MPHOSPH9: variants seen among roughly 807,000 people sequenced by gnomAD.
MPHOSPH9 encodes the protein M-phase phosphoprotein 9.
In MPHOSPH9, 88 loss-of-function variants were observed where a neutral mutation model predicts 145.5. The observed-to-expected ratio is 0.60, with a 90% CI of 0.51 to 0.72. The LOEUF (loss-of-function observed/expected upper bound fraction) is 0.72, where lower values mean the gene tolerates loss of function less well. MPHOSPH9 is among the 30% of genes least tolerant of loss of function. MPHOSPH9 has a pLI of 0.00. For missense variants in MPHOSPH9, 1,238 were observed against 1,386.6 expected (o/e 0.89, Z 1.70); for synonymous variants, 435 against 486.2 (o/e 0.89, Z 1.39).
chr12:123,236,563 C>A (rs1249030416), upstream of MPHOSPH9, among the ~76,000 whole-genome samples: 1 of 150,696 alleles, frequency 6.6e-6, no homozygotes, highest in Non-Finnish European at 1.5e-5. Flanking sequence ...CACTGCACTC[C>A]ACTTGGGTGA....
Position 123,227,576 on chromosome 12 carries a change from A to G in MPHOSPH9, c.145T>C (p.Ser49Pro). 6.5e-7 allele frequency: 1 copy of G among 1,532,582 alleles called. No homozygotes were observed. The highest frequency in any genetic ancestry group is 8.7e-7 in the Non-Finnish European group (1 of 1,144,918). 94.9% of individuals were successfully genotyped at this position (1,532,582 alleles called of 1,614,324 possible). Residue 49 changes from serine (S) to proline (P), a missense_variant, in exon 3 of 24, where the codon TCA becomes CCA. Transcript: ENST00000606320. The stretch of plus-strand genomic sequence containing the variant: ...ATTACAGATGGTCTGGTCTTCCCTG[A>G]GAAAGAGGATACCCCATTTGTACTA... ...HLSTNGVSSF[S>P]GKTRPSVIQG...
chr12:123,177,331 C>T (rs1271159993), intron 15 of MPHOSPH9, among the ~76,000 whole-genome samples: 1 of 152,028 alleles, frequency 6.6e-6, no homozygotes, highest in Non-Finnish European at 1.5e-5. Context: ...GTCAGGAGTT[C>T]GAGCCCAGCC....
At chr12:123,189,332 G>A (rs968020017) in intron 13 of MPHOSPH9, among the ~76,000 whole-genome samples, 66 of 152,140 alleles carry the variant, frequency 4.3e-4, no homozygotes, top group African/African-American at 1.5e-3. Flanking sequence ...CCCAGTGCAA[G>A]CTCCTGAACA....
At chr12:123,183,590 T>G (rs186902681) in intron 13 of MPHOSPH9, among the ~76,000 whole-genome samples, 1 of 147,336 alleles carries the variant, frequency 6.8e-6, no homozygotes, top group Admixed American at 6.8e-5. Context: ...AAAAAGTGCC[T>G]TAGCAGGGTG....
In MPHOSPH9 at chr12:123,214,669, G is replaced by A. The variant is rs2046884475; in HGVS notation, c.1087+75C>T. The A allele has an allele frequency of 5.5e-5, 64 of 1,165,130 alleles. No individual in the cohort carries two copies. In the South Asian group the frequency reaches 7.3e-4, roughly 13 times the overall value. 72.2% of individuals were successfully genotyped at this position (1,165,130 alleles called of 1,614,324 possible). On this transcript the variant is annotated intron_variant, in intron 7 of 23. Transcript: ENST00000606320. ...AGGCAAGTTGTTTTTTAAAAATAAT[G>A]CTCTAAAAATCTAAGTACCTTCCTC...
Position 123,159,289 on chromosome 12 carries a change from G to A in MPHOSPH9, c.3450+1492C>T, listed in dbSNP as rs569200933. Among the ~76,000 whole-genome samples the A allele has an allele frequency of 3.3e-5, 5 of 152,096 alleles. No individual in the cohort carries two copies. Among genetic ancestry groups the A allele is most frequent in the South Asian group, 2.1e-4 (1 of 4,806 alleles). On this transcript the variant is annotated intron_variant, in intron 23 of 23. Transcript: ENST00000606320. This position sits in a 1 kb window ranked among gnomAD's most constrained non-coding sequence, Gnocchi z 4.3. ...AGCGATTCTCATGCCTCAGCCTCCC[G>A]AGTAGCTAGGACTGCAGGCGTGCAC...
intron 11 of MPHOSPH9, among the ~76,000 whole-genome samples, chr12:123,199,617 A>AC (rs946674392): frequency 4.0e-5 from 6 of 151,834 alleles, no homozygotes; most frequent in Admixed American, 3.9e-4. Context: ...ATACGGTGAA[A>AC]CCCCGTCTCT....
At chr12:123,223,291 G>A (rs1428421650) in intron 3 of MPHOSPH9, among the ~76,000 whole-genome samples, 164 bp from the exon 4 acceptor site, 4 of 152,034 alleles carry the variant, frequency 2.6e-5, no homozygotes, top group African/African-American at 9.7e-5. Flanking sequence ...GCCACACCAA[G>A]AGAGCAGGGA....
intron 3 of MPHOSPH9, chr12:123,226,202 T>C (rs1381680351): frequency 9.8e-6 from 4 of 409,014 alleles, no homozygotes; most frequent in Non-Finnish European, 1.4e-5. Context: ...GCATAAAGTA[T>C]AAAAACTGAA....
chr12:123,159,099 T>C lies in MPHOSPH9; in HGVS notation c.3450+1682A>G, dbSNP rs1216765029. On this transcript the variant is annotated intron_variant, in intron 23 of 23. Transcript: ENST00000606320. The surrounding 1 kb of genome is among the most constrained non-coding windows in gnomAD (Gnocchi z 4.3). Reference sequence around the variant, plus strand: ...AGCGAGACTCCGTCTCCAAACTAGATAAATAAAAGATTAGCCAAGACAACC... The same window carrying C: ...AGCGAGACTCCGTCTCCAAACTAGACAAATAAAAGATTAGCCAAGACAACC... Among the ~76,000 whole-genome samples, 1 of 152,170 alleles carries C rather than the reference T, an allele frequency of 6.6e-6. No individual in the cohort carries two copies. Among genetic ancestry groups the C allele is most frequent in the Non-Finnish European group, 1.5e-5 (1 of 68,022 alleles).
At chr12:123,214,408 G>C (rs985244645) in intron 7 of MPHOSPH9, among the ~76,000 whole-genome samples, 1 of 152,104 alleles carries the variant, frequency 6.6e-6, no homozygotes, top group Non-Finnish European at 1.5e-5. Context: ...TGGTGACACC[G>C]CCTGTTGTCC....
At chr12:123,239,695 C>T (rs2047901362) in intron 1 of MPHOSPH9, among the ~76,000 whole-genome samples, 1 of 152,182 alleles carries the variant, frequency 6.6e-6, no homozygotes, top group Non-Finnish European at 1.5e-5. Flanking sequence ...AGCTACCGCG[C>T]CCAGCCCAGT....
chr12:123,186,104 G>A (rs1239904865), intron 13 of MPHOSPH9, among the ~76,000 whole-genome samples: 1 of 151,770 alleles, frequency 6.6e-6, no homozygotes, highest in Non-Finnish European at 1.5e-5. Context: ...GTGTGCGCCT[G>A]TAATCTCAGC....
At chr12:123,213,864 G>C (rs565495501) in intron 7 of MPHOSPH9, among the ~76,000 whole-genome samples, 3 of 152,270 alleles carry the variant, frequency 2.0e-5, no homozygotes, top group Middle Eastern at 6.8e-3. Flanking sequence ...ACTATGTTGA[G>C]AACAGACTGA....
intron 18 of MPHOSPH9, among the ~76,000 whole-genome samples, chr12:123,164,705 CCAG>C (rs1268963616): frequency 1.3e-4 from 20 of 152,148 alleles, no homozygotes; most frequent in Non-Finnish European, 1.9e-4. Flanking sequence ...CCATGTAAGG[CCAG>C]GAGCAGTGGT....
chr12:123,178,217 A>G (rs1415871042), intron 15 of MPHOSPH9, among the ~76,000 whole-genome samples: 1 of 152,158 alleles, frequency 6.6e-6, no homozygotes, highest in Non-Finnish European at 1.5e-5. Context: ...TGTTCTTTTA[A>G]GCTCTGTGTA....
chr12:123,221,371 C>G lies in MPHOSPH9; in HGVS notation c.872+1G>C. ...CTTCAAATGATAGAAATTCTACTTA[C>G]CTATTTGTTTTCCCACTGTATACTT... On this transcript the variant is annotated splice_donor_variant, in intron 5 of 23. Coordinates refer to ENST00000606320, the MANE Select transcript of MPHOSPH9 (RefSeq NM_022782.4). LOFTEE classifies it high-confidence loss of function. 1.3e-6 allele frequency: 2 copies of G among 1,564,686 alleles called. No homozygotes were observed. Among genetic ancestry groups the G allele is most frequent in the Non-Finnish European group, 1.7e-6 (2 of 1,157,610 alleles).
chr12:123,220,097 G>C (rs1297289387), intron 5 of MPHOSPH9, among the ~76,000 whole-genome samples: 1 of 151,608 alleles, frequency 6.6e-6, no homozygotes, highest in Non-Finnish European at 1.5e-5. Flanking sequence ...AGGAGGCTGA[G>C]GCAGGAGAAT....
chr12:123,214,686 A>G (rs1481750228), intron 7 of MPHOSPH9, 58 bp downstream of exon 7: 82 of 1,340,284 alleles, frequency 6.1e-5, no homozygotes. Flanking sequence ...AAATCTAAGT[A>G]CCTTCCTCTG....
Sources: gnomAD v4.1 joint callset for allele counts (sites outside exome capture counted in the v4.1 genomes callset) on GRCh38, gnomAD v4.1.1 for gene constraint, Gnocchi (gnomAD v3.1) non-coding constraint, MANE v1.5 for transcripts, NCBI Gene and HGNC (gene_info 2026-07-23, HGNC 2026-07-21) for gene names.